Variants in PRKN observed in about 807,000 individuals in gnomAD.
PRKN encodes parkin RBR E3 ubiquitin protein ligase.
In PRKN, 56 loss-of-function variants were observed where a neutral mutation model predicts 59.5. The observed-to-expected ratio is 0.94, with a 90% confidence interval of 0.76 to 1.18. PRKN has a LOEUF of 1.18. Among genes scored for constraint, PRKN ranks in the 50% most tolerant of loss-of-function variants. PRKN has a pLI of 0.00. For missense variants in PRKN, 657 were observed against 596.4 expected, an observed-to-expected ratio of 1.10 and a Z score of -1.06; for synonymous variants, 250 against 222.1, an observed-to-expected ratio of 1.13 and a Z score of -1.12.
chr6:162,661,010 C>G (rs780322445), intron 1 of PRKN, among the ~76,000 whole-genome samples: 4 of 152,134 alleles, frequency 2.6e-5, no homozygotes, highest in Non-Finnish European at 5.9e-5. Flanking sequence ...ATCTGTAATC[C>G]TAGCACTTTG....
intron 7 of PRKN, among the ~76,000 whole-genome samples, chr6:161,621,491 T>C (rs1341167255): frequency 2.0e-5 from 3 of 152,080 alleles, no homozygotes; most frequent in African/African-American, 7.2e-5. Flanking sequence ...CCAGCTCCAG[T>C]AAAGAGAAAC....
chr6:161,542,672 C>T (rs985738218), intron 9 of PRKN, among the ~76,000 whole-genome samples: 1 of 152,124 alleles, frequency 6.6e-6, no homozygotes, highest in African/African-American at 2.4e-5. Flanking sequence ...TTTTAAAATG[C>T]TCTTTGATGA....
chr6:161,722,148 A>T (rs1411261873), intron 7 of PRKN, among the ~76,000 whole-genome samples: 1 of 152,110 alleles, frequency 6.6e-6, no homozygotes, highest in Admixed American at 6.6e-5. Context: ...TGCTCCCAAC[A>T]TGCACACAAA....
At chr6:162,638,055 TTTCA>T (rs1415186400) in intron 1 of PRKN, among the ~76,000 whole-genome samples, 2 of 152,142 alleles carry the variant, frequency 1.3e-5, no homozygotes, top group South Asian at 4.2e-4. Context: ...TCTTTCATAG[TTTCA>T]TTTTTTAAAA....
chr6:162,016,154 A>AAT (rs67318109), intron 5 of PRKN, among the ~76,000 whole-genome samples: 219 of 13,484 alleles, frequency 0.016, no homozygotes, highest in African/African-American at 0.084. Flanking sequence ...AAATAATAAT[A>AAT]AAAAAAAACT....
At chr6:162,052,530 A>G (rs1777684616) in intron 5 of PRKN, among the ~76,000 whole-genome samples, 1 of 152,102 alleles carries the variant, frequency 6.6e-6, no homozygotes, top group Admixed American at 6.6e-5. Flanking sequence ...ACACTGAGAA[A>G]ATTATTTCAG....
intron 7 of PRKN, among the ~76,000 whole-genome samples, chr6:161,668,685 T>C (rs894141860): frequency 6.6e-6 from 1 of 152,222 alleles, no homozygotes; most frequent in Non-Finnish European, 1.5e-5. Context: ...TAATAGTCTA[T>C]ATTGTGCAGA....
chr6:162,450,769 G>A (rs945231130), intron 1 of PRKN, among the ~76,000 whole-genome samples: 1 of 152,146 alleles, frequency 6.6e-6, no homozygotes, highest in Non-Finnish European at 1.5e-5. Flanking sequence ...AGGGCCTAAG[G>A]AGATGAGTAA....
chr6:162,657,069 T>C (rs750795939), intron 1 of PRKN, among the ~76,000 whole-genome samples: 1 of 152,220 alleles, frequency 6.6e-6, no homozygotes, highest in Non-Finnish European at 1.5e-5. Context: ...GCTAAATATG[T>C]GGTGGGCTTG....
At chr6:161,992,984 A>G (rs1781710262) in intron 5 of PRKN, among the ~76,000 whole-genome samples, 1 of 152,138 alleles carries the variant, frequency 6.6e-6, no homozygotes, top group East Asian at 1.9e-4. Flanking sequence ...TTATAGCAAT[A>G]AACACCTACA....
At chr6:162,545,210 C>T (rs1258072973) in intron 1 of PRKN, among the ~76,000 whole-genome samples, 2 of 151,986 alleles carry the variant, frequency 1.3e-5, no homozygotes, top group Non-Finnish European at 1.5e-5. Context: ...ATCACTTGAA[C>T]CCAGGAGGCG....
At chr6:162,423,750 A>G (rs1789091510) in intron 2 of PRKN, among the ~76,000 whole-genome samples, 1 of 152,168 alleles carries the variant, frequency 6.6e-6, no homozygotes, top group African/African-American at 2.4e-5. Context: ...GCTACATGGT[A>G]CCTTATAGAA....
chr6:161,913,243 A>T, intron 6 of PRKN, among the ~76,000 whole-genome samples: 1 of 152,112 alleles, frequency 6.6e-6, no homozygotes, highest in East Asian at 1.9e-4. Flanking sequence ...CCCAATAGTC[A>T]AACTCAAAAG....
chr6:161,747,911 G>A (rs781404862), intron 7 of PRKN, among the ~76,000 whole-genome samples: 7 of 152,168 alleles, frequency 4.6e-5, no homozygotes, highest in African/African-American at 1.4e-4. Context: ...GATGAACATC[G>A]CCATCTTTAA....
At chr6:162,636,792 T>C (rs1394808421) in intron 1 of PRKN, among the ~76,000 whole-genome samples, 1 of 151,560 alleles carries the variant, frequency 6.6e-6, no homozygotes. Flanking sequence ...CAAGACCAGC[T>C]TGGGCAACAT....
intron 6 of PRKN, among the ~76,000 whole-genome samples, chr6:161,898,647 G>T (rs1181069808): frequency 6.6e-6 from 1 of 152,150 alleles, no homozygotes; most frequent in African/African-American, 2.4e-5. Flanking sequence ...TGTCATTTTG[G>T]TACTGGGCGA....
chr6:162,674,414 G>A (rs1779456941), intron 1 of PRKN, among the ~76,000 whole-genome samples: 1 of 152,172 alleles, frequency 6.6e-6, no homozygotes, highest in Non-Finnish European at 1.5e-5. Flanking sequence ...TAAAAGTGAT[G>A]TAGGAACTAG....
At chr6:161,911,966 T>C (rs1389273357) in intron 6 of PRKN, among the ~76,000 whole-genome samples, 3 of 151,936 alleles carry the variant, frequency 2.0e-5, no homozygotes, top group Non-Finnish European at 4.4e-5. Context: ...TCACCTGAGG[T>C]CAGGAGTTCG....
intron 7 of PRKN, among the ~76,000 whole-genome samples, chr6:161,655,607 C>A (rs1784316191): frequency 6.6e-6 from 1 of 152,196 alleles, no homozygotes; most frequent in Admixed American, 6.5e-5. Context: ...GAGAGAAAGG[C>A]TTTAAACTGT....
Sources: gnomAD v4.1 joint callset for allele counts (sites outside exome capture counted in the v4.1 genomes callset) on GRCh38, gnomAD v4.1.1 for gene constraint, MANE v1.5 for transcripts, NCBI Gene and HGNC (gene_info 2026-07-23, HGNC 2026-07-21) for gene names.